The following ASAP1 variants were observed in gnomAD, a reference collection of about 807,000 sequenced individuals.
The protein encoded by ASAP1 is arf-GAP with SH3 domain, ANK repeat and PH domain-containing protein 1.
ASAP1 carries 43 observed loss-of-function variants against 145.2 expected under a neutral mutation model. That is an observed-to-expected ratio of 0.30 (90% CI 0.23 to 0.38). ASAP1 has a LOEUF of 0.38. ASAP1 is among the 10% of genes least tolerant of loss of function. ASAP1 has a pLI of 1.00. For missense variants in ASAP1, 1,018 were observed against 1,355.3 expected (o/e 0.75, Z 3.91); for synonymous variants, 546 against 515.5 (o/e 1.06, Z -0.80).
At chr8:130,226,473 A>G (rs1817594717) in intron 4 of ASAP1, among the ~76,000 whole-genome samples, 1 of 152,170 alleles carries the variant, frequency 6.6e-6, no homozygotes, top group Non-Finnish European at 1.5e-5. Context: ...AAATCCTTGG[A>G]GGCAGAAAGC....
intron 5 of ASAP1, among the ~76,000 whole-genome samples, chr8:130,194,229 A>G (rs952161378): frequency 2.6e-5 from 4 of 152,220 alleles, no homozygotes; most frequent in African/African-American, 9.6e-5. Context: ...TCCCAGGAAA[A>G]CGTAGGTTAA....
chr8:130,273,586 G>T (rs1198772691), intron 3 of ASAP1, among the ~76,000 whole-genome samples: 3 of 152,186 alleles, frequency 2.0e-5, no homozygotes, highest in African/African-American at 7.2e-5. Context: ...GAGCTCACAG[G>T]ATCTTGGTAT....
At chr8:130,271,203 C>G (rs1271265753) in intron 3 of ASAP1, among the ~76,000 whole-genome samples, 2 of 152,176 alleles carry the variant, frequency 1.3e-5, no homozygotes, top group Non-Finnish European at 2.9e-5. Flanking sequence ...TGAACTCGAC[C>G]AGAAGAGCTA....
At chr8:130,128,816 T>C (rs1008668017) in intron 15 of ASAP1, among the ~76,000 whole-genome samples, 1 of 152,170 alleles carries the variant, frequency 6.6e-6, no homozygotes, top group African/African-American at 2.4e-5. Flanking sequence ...TAAGCAGGCA[T>C]TAAAGTGTAC....
In ASAP1 at chr8:130,292,906, T is replaced by C. The variant is rs529043331; in HGVS notation, c.187-55912A>G. On this transcript the variant is annotated intron_variant, in intron 3 of 29. Transcript: ENST00000518721. ...TGTTCTGTGAACAGAGAAAAGGATCTATATAAAAACATTTTAAAACTCGAA... is the reference window on the plus strand; with the variant it reads ...TGTTCTGTGAACAGAGAAAAGGATCCATATAAAAACATTTTAAAACTCGAA... Among the ~76,000 whole-genome samples, 353 of 152,360 alleles carry C rather than the reference T, an allele frequency of 2.3e-3. 1 individual carries two copies. The highest frequency in any genetic ancestry group is 0.014 in the Middle Eastern group (4 of 294).
chr8:130,127,140 C>T (rs1194630997), intron 16 of ASAP1, among the ~76,000 whole-genome samples: 1 of 152,168 alleles, frequency 6.6e-6, no homozygotes, highest in Non-Finnish European at 1.5e-5. Flanking sequence ...CAATGTGATA[C>T]AGAGGTGAGG....
intron 24 of ASAP1, among the ~76,000 whole-genome samples, chr8:130,092,554 G>A (rs902958650): frequency 4.7e-4 from 71 of 152,274 alleles, no homozygotes; most frequent in African/African-American, 1.5e-3. Flanking sequence ...TTGAAGTCAG[G>A]AGTTCGAGGA....
chr8:130,325,504 T>C (rs1824269086), intron 3 of ASAP1, among the ~76,000 whole-genome samples: 1 of 152,222 alleles, frequency 6.6e-6, no homozygotes, highest in Non-Finnish European at 1.5e-5. Flanking sequence ...CATCTGTTCT[T>C]AAACTATGTG....
At chr8:130,335,919 A>G (rs1825004552) in intron 3 of ASAP1, among the ~76,000 whole-genome samples, 1 of 152,206 alleles carries the variant, frequency 6.6e-6, no homozygotes, top group South Asian at 2.1e-4. Flanking sequence ...TCAGGACACT[A>G]AAAGAAAAAA....
intron 2 of ASAP1, among the ~76,000 whole-genome samples, chr8:130,375,030 T>G (rs769765219): frequency 1.6e-4 from 25 of 152,184 alleles, no homozygotes; most frequent in Admixed American, 5.2e-4. Flanking sequence ...CATCACTGGC[T>G]GCCTCACCTC....
intron 3 of ASAP1, among the ~76,000 whole-genome samples, chr8:130,271,413 A>G (rs1820579858): frequency 6.6e-6 from 1 of 152,214 alleles, no homozygotes; most frequent in African/African-American, 2.4e-5. Context: ...TTTCTTTACC[A>G]AGAAATTATA....
chr8:130,073,172 C>T (rs2097453735), intron 27 of ASAP1, among the ~76,000 whole-genome samples: 1 of 151,492 alleles, frequency 6.6e-6, no homozygotes, highest in African/African-American at 2.4e-5. Flanking sequence ...GGGGGATCAC[C>T]TGAGGTCAGG....
At chr8:130,115,758 A>G (rs2097554726) in intron 22 of ASAP1, 23 bp from the exon 23 acceptor site, 2 of 1,528,124 alleles carry the variant, frequency 1.3e-6, no homozygotes, top group East Asian at 2.3e-5. Context: ...GCAAATGTGC[A>G]CCATTTTAAT....
chr8:130,255,370 C>G (rs1271164221), intron 3 of ASAP1, among the ~76,000 whole-genome samples: 3 of 152,160 alleles, frequency 2.0e-5, no homozygotes, highest in Non-Finnish European at 4.4e-5. Context: ...TGTTCATGTA[C>G]ATTTTCTCTA....
At chr8:130,356,418 G>A (rs1028640045) in intron 3 of ASAP1, among the ~76,000 whole-genome samples, 1 of 152,080 alleles carries the variant, frequency 6.6e-6, no homozygotes, top group Admixed American at 6.6e-5. Flanking sequence ...AAATGCTCCT[G>A]TATCAACATG....
At chr8:130,395,573 G>A (rs938598827) in intron 2 of ASAP1, among the ~76,000 whole-genome samples, 12 of 152,186 alleles carry the variant, frequency 7.9e-5, no homozygotes, top group African/African-American at 2.9e-4. Context: ...ACTACGAAGA[G>A]GCAAGGAAGG....
chr8:130,334,182 G>C (rs1392021570), intron 3 of ASAP1, among the ~76,000 whole-genome samples: 1 of 152,150 alleles, frequency 6.6e-6, no homozygotes, highest in Non-Finnish European at 1.5e-5. Context: ...CTGTTAAGGA[G>C]AGTGGACATT....
At chr8:130,162,175 T>C (rs2097670580) in intron 11 of ASAP1, among the ~76,000 whole-genome samples, 2 of 152,180 alleles carry the variant, frequency 1.3e-5, no homozygotes, top group South Asian at 4.1e-4. Flanking sequence ...CCCTAATAGA[T>C]ATTTTCACAC....
chr8:130,089,519 G>A (rs1013563035), intron 25 of ASAP1, among the ~76,000 whole-genome samples: 14 of 152,326 alleles, frequency 9.2e-5, no homozygotes, highest in African/African-American at 3.1e-4. Context: ...GTCCACAGAC[G>A]AAAGCTGCAG....
Sources: gnomAD v4.1 joint callset for allele counts (sites outside exome capture counted in the v4.1 genomes callset) on GRCh38, gnomAD v4.1.1 for gene constraint, MANE v1.5 for transcripts, NCBI Gene and HGNC (gene_info 2026-07-23, HGNC 2026-07-21) for gene names.